The following ZNF141 variants were observed in gnomAD, a reference collection of about 807,000 sequenced individuals.
The protein encoded by ZNF141 is zinc finger protein 141, also known as zinc finger protein 141 (clone pHZ-44).
A neutral mutation model predicts 11.3 loss-of-function variants in ZNF141; 7 were observed. That is an observed-to-expected ratio of 0.62 (90% confidence interval 0.35 to 1.16). ZNF141 has a LOEUF of 1.16. ZNF141 is among the 50% of genes most tolerant of loss of function. ZNF141 has a pLI of 0.02. For missense variants in ZNF141, 535 were observed against 554.0 expected (o/e 0.97, Z 0.34); for synonymous variants, 183 against 190.7 (o/e 0.96, Z 0.33).
chr4:358,378 G>A (rs1007852126), intron 3 of ZNF141: 6 of 307,492 alleles, frequency 2.0e-5, no homozygotes, highest in Non-Finnish European at 3.8e-5. Flanking sequence ...TAGAGATGGG[G>A]TTTCACCATG....
In ZNF141 at chr4:373,176, A is replaced by G; in HGVS notation, c.739A>G (p.Ile247Val). The G allele has an allele frequency of 6.2e-7, 1 of 1,613,982 alleles. No individual in the cohort carries two copies. The highest frequency in any genetic ancestry group is 8.5e-7 in the Non-Finnish European group (1 of 1,179,988). The change falls in exon 4 of 4, where the codon ATA (isoleucine) becomes GTA (valine). Residue 247 changes from isoleucine to valine, a missense_variant. Physicochemically the swap from Ile to Val is conservative, Grantham distance 29 (BLOSUM62 3). Transcript: ENST00000240499. ...TTSSHFAKHK[I>V]IHTGEKPYKC... ...ATCCTCACACTTTGCTAAGCATAAA[A>G]TAATTCATACTGGAGAAAAACCCTA...
At chr4:364,929 C>T (rs1429947432) in intron 3 of ZNF141, among the ~76,000 whole-genome samples, 1 of 152,256 alleles carries the variant, frequency 6.6e-6, no homozygotes, top group Non-Finnish European at 1.5e-5. Context: ...TATGCCCTCC[C>T]CCCAGAGGTG....
intron 3 of ZNF141, chr4:358,161 G>A (rs1553851505): frequency 1.0e-5 from 4 of 384,844 alleles, no homozygotes; most frequent in Non-Finnish European, 2.0e-5. Flanking sequence ...TATGTATTTG[G>A]TTCTTTTTTA....
At chr4:355,362 C>T (rs572469273) in intron 3 of ZNF141, among the ~76,000 whole-genome samples, 48 of 152,034 alleles carry the variant, frequency 3.2e-4, no homozygotes, top group African/African-American at 8.9e-4. Flanking sequence ...CCCACCATCA[C>T]GTCTGGCTAA....
In ZNF141 at chr4:373,113, C is replaced by G. The variant is rs781810826; in HGVS notation, c.676C>G (p.Pro226Ala). 4.3e-6 allele frequency: 7 copies of G among 1,613,598 alleles called. No individual in the cohort carries two copies. The African/African-American group carries it at 9.4e-5, about 22-fold the overall frequency. Reference sequence around the variant, plus strand: ...TAAGAGAATTCATACTGGAGAGAAACCTTTTACTTGTGAAGAATGTGGCAG... The same window carrying G: ...TAAGAGAATTCATACTGGAGAGAAAGCTTTTACTTGTGAAGAATGTGGCAG... Reference protein sequence around the residue: ...EHKRIHTGEKPFTCEECGSIF... With the variant: ...EHKRIHTGEKAFTCEECGSIF... Residue 226 changes from proline to alanine, a missense_variant, in exon 4 of 4, where the codon CCT becomes GCT. Pro to Ala is a conservative substitution (Grantham distance 27). Transcript: ENST00000240499.
chr4:350,594 T>C (rs1218077914), intron 3 of ZNF141, among the ~76,000 whole-genome samples: 1 of 152,230 alleles, frequency 6.6e-6, no homozygotes, highest in Non-Finnish European at 1.5e-5. Context: ...CATTCAAATC[T>C]CATGTCAAAT....
intron 3 of ZNF141, among the ~76,000 whole-genome samples, chr4:354,136 C>A (rs1454895243): frequency 6.6e-6 from 1 of 152,230 alleles, no homozygotes; most frequent in Non-Finnish European, 1.5e-5. Context: ...ACCATCTCAT[C>A]TCCCTGTATG....
chr4:342,960 G>T lies in ZNF141; in HGVS notation c.4-822G>T, dbSNP rs543108839. On this transcript the variant is annotated intron_variant, in intron 1 of 3. Transcript: ENST00000240499. ...CAATTATCTCCTGATCCAAGGCTGA[G>T]ACCTTATTTTTTAAAATCAGTTCCT... is the stretch of plus-strand genomic sequence containing the variant. 8.8e-5 allele frequency: 132 copies of T among 1,500,980 alleles called. No individual in the cohort carries two copies. The South Asian group carries it at 1.5e-3, about 17-fold the overall frequency. 93.0% of individuals were successfully genotyped at this position (1,500,980 alleles called of 1,614,324 possible).
At chr4:338,828 C>T (rs1189090875) in intron 1 of ZNF141, among the ~76,000 whole-genome samples, 2 of 152,200 alleles carry the variant, frequency 1.3e-5, no homozygotes, top group African/African-American at 2.4e-5. Flanking sequence ...GGAGCATTGA[C>T]TGGTGTTGAG....
chr4:343,754 A>G (rs781900261), intron 1 of ZNF141, 28 bp from the exon 2 acceptor site: 9 of 1,196,864 alleles, frequency 7.5e-6, no homozygotes, highest in Middle Eastern at 2.6e-4. Flanking sequence ...AAAAAGAACT[A>G]TGTCCCTTGA....
chr4:369,734 AG>A (rs1361594620), intron 3 of ZNF141, among the ~76,000 whole-genome samples: 1 of 11,184 alleles, frequency 8.9e-5, no homozygotes, highest in Non-Finnish European at 1.6e-4. Flanking sequence ...AATTTCTTAA[AG>A]AGATATATAT....
intron 1 of ZNF141, among the ~76,000 whole-genome samples, chr4:340,032 C>G (rs782817955): frequency 3.9e-5 from 6 of 152,202 alleles, no homozygotes; most frequent in Non-Finnish European, 8.8e-5. Flanking sequence ...TTTTGGCAGT[C>G]TCTTAGTAGA....
rs1052691325 is a variant in ZNF141, at chr4:381,467, G to T, written c.*7605G>T. Among the ~76,000 whole-genome samples the T allele has an allele frequency of 1.4e-5, 2 of 139,906 alleles. No individual in the cohort carries two copies. Among genetic ancestry groups the T allele is most frequent in the East Asian group, 4.2e-4 (2 of 4,808 alleles). 91.8% of individuals were successfully genotyped at this position (139,906 alleles called of 152,430 possible). ...TCTGTCGCCCAGGCTGGAGTGCAGT[G>T]GTGCAATCTCGGCTCACTGCAACCT... is the stretch of plus-strand genomic sequence containing the variant. On this transcript the variant is annotated 3_prime_UTR_variant, in exon 4 of 4. Coordinates refer to ENST00000240499, the MANE Select transcript of ZNF141 (RefSeq NM_003441.4).
chr4:358,190 T>C, intron 3 of ZNF141: 1 of 411,958 alleles, frequency 2.4e-6, no homozygotes. Flanking sequence ...GTTCTTTTTT[T>C]TTTTTTTTTT....
chr4:339,386 G>GC (rs1203827934), intron 1 of ZNF141, among the ~76,000 whole-genome samples: 3 of 152,274 alleles, frequency 2.0e-5, no homozygotes, highest in African/African-American at 7.2e-5. Context: ...ATCCTGCCTT[G>GC]CCCCCACTCA....
rs546242362 is a variant in ZNF141, at chr4:355,380, A to G, written c.226+10950A>G. The stretch of plus-strand genomic sequence containing the variant: ...ACCATCACGTCTGGCTAATTTTTGT[A>G]TTTTTAGTAGAGACAGGGTTTCACC... On this transcript the variant is annotated intron_variant, in intron 3 of 3. Transcript: ENST00000240499. Among the ~76,000 whole-genome samples, 6 of 151,908 alleles carry G rather than the reference A, an allele frequency of 3.9e-5. No individual in the cohort carries two copies. The South Asian group carries it at 1.0e-3, about 26-fold the overall frequency.
chr4:370,881 C>G (rs1712022137), intron 3 of ZNF141, among the ~76,000 whole-genome samples: 1 of 151,738 alleles, frequency 6.6e-6, no homozygotes, highest in Admixed American at 6.6e-5. Context: ...CAGGTGCCCA[C>G]CACCACGCCC....
intron 3 of ZNF141, among the ~76,000 whole-genome samples, chr4:355,942 A>G (rs1362946366): frequency 2.0e-5 from 3 of 152,142 alleles, no homozygotes; most frequent in Admixed American, 2.0e-4. Flanking sequence ...TCTTAGAATT[A>G]TAATACTAGG....
chr4:373,210 A>G lies in ZNF141; in HGVS notation c.773A>G (p.Glu258Gly). 1 of 1,614,114 alleles carries G rather than the reference A, an allele frequency of 6.2e-7. No individual in the cohort carries two copies. Among genetic ancestry groups the G allele is most frequent in the South Asian group, 1.1e-5 (1 of 91,086 alleles). Reference protein sequence around the residue: ...IHTGEKPYKCEECGKAFNRFT... With the variant: ...IHTGEKPYKCGECGKAFNRFT... ...ACTGGAGAAAAACCCTATAAATGTG[A>G]AGAATGTGGCAAAGCCTTTAATAGG... Residue 258 changes from glutamate (E) to glycine (G), a missense_variant, in exon 4 of 4, where the codon GAA (glutamate) becomes GGA (glycine). Coordinates refer to ENST00000240499, the MANE Select transcript of ZNF141 (RefSeq NM_003441.4).
Sources: allele counts gnomAD v4.1 joint callset (sites outside exome capture counted in the v4.1 genomes callset), GRCh38; gene constraint gnomAD v4.1.1; transcripts MANE v1.5; gene names NCBI Gene and HGNC (gene_info 2026-07-23, HGNC 2026-07-21).